The following DPP7 variants were observed in gnomAD, a reference collection of about 807,000 sequenced individuals.
DPP7 encodes dipeptidyl peptidase 2.
DPP7 carries 74 observed loss-of-function variants against 58.8 expected under a neutral mutation model. The ratio of observed to expected loss-of-function variants is 1.26; its 90% CI spans 1.04 to 1.53. DPP7 has a LOEUF of 1.53. Ranked by LOEUF, DPP7 falls within the 40% of genes most tolerant of loss-of-function variation. DPP7 has a pLI of 0.00. For missense variants in DPP7, 807 were observed against 692.3 expected (o/e 1.17, Z -1.86); for synonymous variants, 350 against 303.6 (o/e 1.15, Z -1.59).
chr9:137,114,806 C>T, upstream of DPP7: 4 of 888,060 alleles, frequency 4.5e-6, 1 homozygote, highest in South Asian at 1.7e-4. Flanking sequence ...CGGGCGCCCG[C>T]GGTCCCCACG....
upstream of DPP7, among the ~76,000 whole-genome samples, chr9:137,115,924 A>G (rs192670544): frequency 4.7e-3 from 705 of 150,392 alleles, 4 homozygotes; most frequent in African/African-American, 0.017. Context: ...ATGTGGAGGT[A>G]CCCCACGGCG....
At chr9:137,114,063 C>T (rs1350330795) in intron 3 of DPP7, 35 bp from the exon 4 acceptor site, 3 of 1,263,810 alleles carry the variant, frequency 2.4e-6, no homozygotes, top group Non-Finnish European at 3.0e-6. Flanking sequence ...GGCCCCGCGA[C>T]CCCGCCCGGC....
upstream of DPP7, chr9:137,115,018 CCCG>C: frequency 3.8e-6 from 1 of 265,220 alleles, no homozygotes; most frequent in South Asian, 1.7e-4. Context: ...CCCTGCTGCG[CCCG>C]CCAAGCCTCC....
intron 4 of DPP7, 143 bp from the exon 5 acceptor site, chr9:137,113,639 T>C: frequency 7.0e-7 from 1 of 1,429,172 alleles, no homozygotes; most frequent in Non-Finnish European, 9.1e-7. Flanking sequence ...CGGGTGCAGC[T>C]CTCACTGGGA....
chr9:137,118,134 C>T (rs942868892), upstream of DPP7, among the ~76,000 whole-genome samples: 2 of 151,942 alleles, frequency 1.3e-5, no homozygotes, highest in African/African-American at 4.8e-5. Context: ...ATTACAGGCA[C>T]CCACCACCAC....
chr9:137,112,310 G>T, intron 8 of DPP7, 80 bp from the exon 9 acceptor site: 1 of 1,194,238 alleles, frequency 8.4e-7, no homozygotes, highest in Non-Finnish European at 1.2e-6. Context: ...TCCCCCCTCG[G>T]AATGGTCCTG....
At position 137,113,255 on chromosome 9, in the gene DPP7, C is replaced by G. The variant is rs1247269186; in HGVS notation, c.654G>C (p.Gln218His). 6.2e-7 allele frequency: 1 copy of G among 1,613,734 alleles called. No homozygotes were observed. The highest frequency in any genetic ancestry group is 8.5e-7 in the Non-Finnish European group (1 of 1,179,992). ...DFEGQSPKCT[Q>H]GVREAFRQIK... ...TCTGTCGGAACGCTTCCCGCACACCCTGGGTGCATTTGGGACTCTGGCCCT... is the reference window on the plus strand; with the variant it reads ...TCTGTCGGAACGCTTCCCGCACACCGTGGGTGCATTTGGGACTCTGGCCCT... The change falls in exon 6 of 13, where the codon CAG becomes CAC. Residue 218 changes from glutamine to histidine, a missense_variant. Gln to His is a conservative substitution (Grantham distance 24). Around this residue, in one of 3 missense-constraint regions of DPP7, gnomAD observed 624 missense variants for 531.2 expected, o/e 1.17. Transcript: ENST00000371579.
chr9:137,113,056 G>C lies in DPP7; in HGVS notation c.767C>G (p.Thr256Ser). The change falls in exon 7 of 13, where the codon ACC becomes AGC. Residue 256 changes from threonine to serine, a missense_variant. Coordinates refer to ENST00000371579, the MANE Select transcript of DPP7 (RefSeq NM_013379.3). ...ATTCCGGGCGAACATGAAGAGCTGG[G>C]TCAGGTCCTTCTCGTCTGACAGCGG... ...CQPLSDEKDLTQLFMFARNAF... is the reference protein window; with the variant it reads ...CQPLSDEKDLSQLFMFARNAF... 1 of 1,613,926 alleles carries C rather than the reference G, an allele frequency of 6.2e-7. No homozygotes were observed. Among genetic ancestry groups the C allele is most frequent in the African/African-American group, 1.3e-5 (1 of 75,062 alleles).
At chr9:137,111,012 G>T in intron 11 of DPP7, 62 bp from the exon 12 acceptor site, 1 of 1,530,948 alleles carries the variant, frequency 6.5e-7, no homozygotes, top group Non-Finnish European at 8.9e-7. Context: ...GCCTCCGTGG[G>T]CCCATTGGAG....
intron 7 of DPP7, 57 bp downstream of exon 7, chr9:137,112,896 C>A (rs1588665018): frequency 6.2e-7 from 1 of 1,607,170 alleles, no homozygotes; most frequent in Non-Finnish European, 8.5e-7. Context: ...CCGCTGACCA[C>A]CAGCCTCGGG....
At chr9:137,113,317 C>T (rs369925883) in intron 5 of DPP7, 30 bp from the exon 6 acceptor site, 2 of 1,613,272 alleles carry the variant, frequency 1.2e-6, no homozygotes, top group African/African-American at 2.7e-5. Flanking sequence ...CTGACTGCAG[C>T]TGCTGTCCCT....
At chr9:137,114,860 AACACCCC>A (rs1344712042), upstream of DPP7, 1 of 488,026 alleles carries the variant, frequency 2.0e-6, no homozygotes, top group African/African-American at 2.0e-5. Flanking sequence ...TGTGCCCCCC[AACACCCC>A]GCGCCCCGCG....
Position 137,114,627 on chromosome 9 carries a change from C to CG in DPP7, c.67+19dup, listed in dbSNP as rs1274834500. 4.3e-6 allele frequency: 6 copies of CG among 1,399,004 alleles called. No individual in the cohort carries two copies. The highest frequency in any genetic ancestry group is 3.1e-5 in the East Asian group (1 of 32,670). 86.7% of individuals were successfully genotyped at this position (1,399,004 alleles called of 1,614,324 possible). ...GCGGGGCCGGGACCGGGGAATGGGC[C>CG]GGGGGGCGCCGCCACTCACCCCCCG... On this transcript the variant is annotated intron_variant, in intron 1 of 12. Transcript: ENST00000371579.
At position 137,113,219 on chromosome 9, in the gene DPP7, C is replaced by G. The variant is rs746998629; in HGVS notation, c.690G>C (p.Leu230Phe). 1 of 1,613,608 alleles carries G rather than the reference C, an allele frequency of 6.2e-7. No individual in the cohort carries two copies. Among genetic ancestry groups the G allele is most frequent in the Non-Finnish European group, 8.5e-7 (1 of 1,179,962 alleles). ...VREAFRQIKD[L>F]FLQGAYDTVR... Reference sequence around the variant, plus strand: ...GGAGGACCTCACCTCCCTGTAGGAACAAGTCCTTGATCTGTCGGAACGCTT... The same window carrying G: ...GGAGGACCTCACCTCCCTGTAGGAAGAAGTCCTTGATCTGTCGGAACGCTT... The change falls in exon 6 of 13, where the codon TTG becomes TTC. Residue 230 changes from leucine to phenylalanine, a missense_variant. Physicochemically the swap from Leu to Phe is conservative, Grantham distance 22 (BLOSUM62 0). Coordinates refer to ENST00000371579, the MANE Select transcript of DPP7 (RefSeq NM_013379.3).
rs1564319236 is a variant in DPP7, at chr9:137,110,866, A to G, written c.1343+14T>C. The stretch of plus-strand genomic sequence containing the variant: ...CCCGACCCGCGACCACCGCCAGGCC[A>G]CCTCCCTCCGCACCTGAGGTCGAGG... On this transcript the variant is annotated intron_variant, in intron 12 of 12. Coordinates refer to ENST00000371579, the MANE Select transcript of DPP7 (RefSeq NM_013379.3). 6.2e-7 allele frequency: 1 copy of G among 1,608,798 alleles called. No individual in the cohort carries two copies. Among genetic ancestry groups the G allele is most frequent in the Non-Finnish European group, 8.5e-7 (1 of 1,179,078 alleles).
intron 12 of DPP7, 42 bp from the exon 13 acceptor site, chr9:137,110,825 C>A: frequency 6.2e-7 from 1 of 1,602,032 alleles, no homozygotes; most frequent in South Asian, 1.1e-5. Flanking sequence ...CCCCAGCCCT[C>A]GGTGAGCCTG....
chr9:137,114,581 G>T lies in DPP7; in HGVS notation c.68-5C>A, dbSNP rs202169711. 17 of 1,516,798 alleles carry T rather than the reference G, an allele frequency of 1.1e-5. No homozygotes were observed. Among genetic ancestry groups the T allele is most frequent in the African/African-American group, 1.4e-5 (1 of 69,612 alleles). 94.0% of individuals were successfully genotyped at this position (1,516,798 alleles called of 1,614,324 possible). The stretch of plus-strand genomic sequence containing the variant: ...CGGGGTCCGGGGCCCTGCGGGCTGT[G>T]GGGGGACGCGAACCTCAGAGGCGGG... On this transcript the variant is annotated splice_polypyrimidine_tract_variant and splice_region_variant and intron_variant, in intron 1 of 12. Coordinates refer to ENST00000371579, the MANE Select transcript of DPP7 (RefSeq NM_013379.3).
rs781474782 is a variant in DPP7 at position 137,111,886 on chromosome 9, G to A, written c.1194C>T (p.Ser398=). The change falls in exon 10 of 13, where the codon AGC becomes AGT. Residue 398 remains serine (S), a synonymous_variant. Coordinates refer to ENST00000371579, the MANE Select transcript of DPP7 (RefSeq NM_013379.3). ...CCTCAGCCTTACCACCCCCCCAGAA[G>A]CTGGTCAGCAGCCAGTCGGGCCGGG... The part of the protein sequence containing the change: ...VWPRPDWLLT[S]FWGGDLRAAS... 3 of 1,611,556 alleles carry A rather than the reference G, an allele frequency of 1.9e-6. No individual in the cohort carries two copies. In the South Asian group the frequency reaches 3.3e-5, roughly 18 times the overall value.
rs750197563 is a variant in DPP7, at chr9:137,113,400, G to A, written c.582C>T (p.Gly194=). ...AASAPVLAVA[G]LGDSNQFFRD... ...GGAAGAACTGGTTGGAGTCGCCGAG[G>A]CCTGCCACAGCTAGAACGGGCGCGC... The change falls in exon 5 of 13, where the codon GGC becomes GGT. Residue 194 remains glycine, a synonymous_variant. Coordinates refer to ENST00000371579, the MANE Select transcript of DPP7 (RefSeq NM_013379.3). 41 of 1,609,768 alleles carry A rather than the reference G, an allele frequency of 2.5e-5. No individual in the cohort carries two copies. Among genetic ancestry groups the A allele is most frequent in the Non-Finnish European group, 3.3e-5 (39 of 1,177,712 alleles).
Sources: gnomAD v4.1 joint callset for allele counts (sites outside exome capture counted in the v4.1 genomes callset) on GRCh38, gnomAD v4.1.1 for gene constraint, gnomAD v4.1.1 regional missense constraint, MANE v1.5 for transcripts, NCBI Gene and HGNC (gene_info 2026-07-23, HGNC 2026-07-21) for gene names.